FMN1: variants seen among roughly 807,000 people sequenced by gnomAD.
The protein encoded by FMN1 is formin-1.
FMN1 carries 110 observed loss-of-function variants against 132.4 expected under a neutral mutation model. That is an observed-to-expected ratio of 0.83 (90% CI 0.71 to 0.97). The LOEUF is 0.97. Ranked by LOEUF, FMN1 falls within the 50% of genes least tolerant of loss-of-function variation. The pLI is 0.00. For synonymous variants in FMN1, 722 were observed against 651.7 expected (o/e 1.11, Z -1.64); for missense variants, 1,792 against 1,705.3 (o/e 1.05, Z -0.90).
rs755351773 is a variant in FMN1 at position 32,898,942 on chromosome 15, C to T, written c.3655-49G>A. 5.6e-6 allele frequency: 7 copies of T among 1,258,634 alleles called. No homozygotes were observed. The South Asian group carries it at 6.2e-5, about 11-fold the overall frequency. The allele number at this position is 1,258,634 out of a possible 1,614,324, so 78.0% of individuals were successfully genotyped here. On this transcript the variant is annotated intron_variant, in intron 14 of 20. Transcript: ENST00000616417. ...ATGAAAATCATTCCCATGAGACTGT[C>T]ATGTTACACGGTTGAGAGGTGAAAT... is the stretch of plus-strand genomic sequence containing the variant.
intron 7 of FMN1, among the ~76,000 whole-genome samples, chr15:32,998,006 A>C (rs1008675760): frequency 1.3e-5 from 2 of 152,250 alleles, no homozygotes; most frequent in African/African-American, 4.8e-5. Flanking sequence ...CAGAAGTCAC[A>C]ATCTCAGATG....
intron 4 of FMN1, among the ~76,000 whole-genome samples, chr15:33,144,072 A>C (rs930067441): frequency 6.6e-6 from 1 of 152,234 alleles, no homozygotes; most frequent in African/African-American, 2.4e-5. Flanking sequence ...CACGTGATTC[A>C]GAAATGATTG....
chr15:33,112,704 T>A (rs1050023526), intron 4 of FMN1, among the ~76,000 whole-genome samples: 18 of 152,318 alleles, frequency 1.2e-4, no homozygotes, highest in African/African-American at 4.3e-4. Flanking sequence ...GTTGAGTACG[T>A]GATAACAGTC....
intron 9 of FMN1, among the ~76,000 whole-genome samples, chr15:32,933,076 G>A (rs1305104596): frequency 6.6e-6 from 1 of 151,798 alleles, no homozygotes; most frequent in Non-Finnish European, 1.5e-5. Context: ...TGTAGAGTCA[G>A]GTTGTTTATT....
chr15:32,773,013 A>G lies in FMN1; in HGVS notation c.*1297T>C, dbSNP rs2056300941. On this transcript the variant is annotated 3_prime_UTR_variant, in exon 21 of 21. Transcript: ENST00000616417. ...AGCTCGGCCTCTTCAAGGCCTAAAA[A>G]TGAGTCTTTGATCATATTGTCCATT... The G allele has an allele frequency of 6.6e-6, 1 of 152,208 alleles. No individual in the cohort carries two copies. Among genetic ancestry groups the G allele is most frequent in the African/African-American group, 2.4e-5 (1 of 41,428 alleles). The allele number at this position is 152,208 out of a possible 1,614,324, so 9.4% of individuals were successfully genotyped here.
intron 9 of FMN1, among the ~76,000 whole-genome samples, chr15:32,948,606 TCA>T (rs1450234729): frequency 6.6e-5 from 10 of 152,060 alleles, no homozygotes; most frequent in Non-Finnish European, 1.5e-4. Context: ...TTTTGATCAT[TCA>T]CAGTCTTCTA....
chr15:32,876,830 A>G (rs1285291083), intron 16 of FMN1, among the ~76,000 whole-genome samples: 5 of 152,218 alleles, frequency 3.3e-5, no homozygotes, highest in Non-Finnish European at 1.5e-5. Context: ...AATTCAAGTA[A>G]AAGCTTCATC....
At chr15:33,047,558 T>C (rs2036745149) in intron 6 of FMN1, among the ~76,000 whole-genome samples, 2 of 152,230 alleles carry the variant, frequency 1.3e-5, no homozygotes, top group African/African-American at 4.8e-5. Context: ...GAAAAACCTC[T>C]GTTTTCCTCA....
Position 33,154,591 on chromosome 15 carries a change from C to T in FMN1, c.324G>A (p.Leu108=). The T allele has an allele frequency of 6.5e-7, 1 of 1,536,120 alleles. No individual in the cohort carries two copies. The change falls in exon 4 of 21, where the codon CTG becomes CTA. Residue 108 remains leucine (L), a synonymous_variant. Coordinates refer to ENST00000616417, the MANE Select transcript of FMN1 (RefSeq NM_001277313.2). ...CCTCCTGGTTCCCCATCGTGATCCC[C>T]AGGATGTGGTCTGAGCTCAGGAGAT... ...LTNLLSSDHI[L]GITMGNQEGK...
At chr15:33,149,090 TA>T (rs1964344903) in intron 4 of FMN1, among the ~76,000 whole-genome samples, 1 of 151,350 alleles carries the variant, frequency 6.6e-6, no homozygotes, top group Non-Finnish European at 1.5e-5. Context: ...AGAAACAATA[TA>T]AAAATATGTA....
chr15:32,803,297 A>G (rs1441808591), intron 18 of FMN1, among the ~76,000 whole-genome samples: 1 of 152,106 alleles, frequency 6.6e-6, no homozygotes, highest in Non-Finnish European at 1.5e-5. Flanking sequence ...TGTATCTCAA[A>G]TTTCAGCCCT....
chr15:33,086,652 T>C (rs1422186055), intron 5 of FMN1, among the ~76,000 whole-genome samples: 2 of 152,208 alleles, frequency 1.3e-5, no homozygotes, highest in Non-Finnish European at 2.9e-5. Context: ...GGCCTGCTGT[T>C]TGCGGCAAAT....
At chr15:32,976,980 T>C (rs970767985) in intron 7 of FMN1, among the ~76,000 whole-genome samples, 14 of 152,214 alleles carry the variant, frequency 9.2e-5, no homozygotes, top group African/African-American at 3.4e-4. Context: ...ATCCCACAGC[T>C]GAAAAATAGT....
At chr15:32,992,134 CCTT>C (rs1199370929) in intron 7 of FMN1, among the ~76,000 whole-genome samples, 2 of 152,096 alleles carry the variant, frequency 1.3e-5, no homozygotes, top group African/African-American at 2.4e-5. Flanking sequence ...TTTCTCCCCT[CCTT>C]GTTTTTGAGC....
At chr15:32,992,830 C>T (rs1387627933) in intron 7 of FMN1, among the ~76,000 whole-genome samples, 1 of 152,146 alleles carries the variant, frequency 6.6e-6, no homozygotes, top group African/African-American at 2.4e-5. Flanking sequence ...AAAAATCGTT[C>T]ATTTTTACGG....
chr15:32,927,577 A>G (rs1418220995), intron 9 of FMN1, among the ~76,000 whole-genome samples: 1 of 152,194 alleles, frequency 6.6e-6, no homozygotes, highest in Admixed American at 6.5e-5. Flanking sequence ...ATTTTTTATA[A>G]TACTATGTAT....
chr15:32,936,721 G>GAGA (rs933851856), intron 9 of FMN1, among the ~76,000 whole-genome samples: 4 of 151,886 alleles, frequency 2.6e-5, no homozygotes, highest in South Asian at 2.1e-4. Context: ...AGGAAGGAAG[G>GAGA]AGAAGAAGAA....
chr15:33,177,199 C>T (rs1243692375), intron 3 of FMN1, among the ~76,000 whole-genome samples: 1 of 152,202 alleles, frequency 6.6e-6, no homozygotes, highest in Non-Finnish European at 1.5e-5. Flanking sequence ...AACCCAGGTG[C>T]TTTGACCCAG....
intron 6 of FMN1, chr15:33,012,196 AC>A: frequency 6.6e-6 from 4 of 602,694 alleles, no homozygotes; most frequent in Non-Finnish European, 9.1e-6. Context: ...CTTTGAAACC[AC>A]CGATAAGTGC....
Sources: allele counts gnomAD v4.1 joint callset (sites outside exome capture counted in the v4.1 genomes callset), GRCh38; gene constraint gnomAD v4.1.1; transcripts MANE v1.5; gene names NCBI Gene and HGNC (gene_info 2026-07-23, HGNC 2026-07-21).